The following PAX3 variants were observed in gnomAD, a reference collection of about 807,000 sequenced individuals.
PAX3 encodes paired box 3.
In PAX3, 14 loss-of-function variants were observed where a neutral mutation model predicts 51.6. That is an observed-to-expected ratio of 0.27 (90% CI 0.18 to 0.42). The LOEUF (loss-of-function observed/expected upper bound fraction) is 0.42. PAX3 is among the 10% of genes least tolerant of loss of function. The probability of loss-of-function intolerance (pLI) is 1.00; values close to 1 mark genes in which losing one functional copy is unlikely to be tolerated. For synonymous variants in PAX3, 280 were observed against 253.4 expected (o/e 1.11, Z -1.00); for missense variants, 540 against 642.8 (o/e 0.84, Z 1.73).
chr2:222,251,854 C>T (rs1693447283), intron 4 of PAX3, among the ~76,000 whole-genome samples: 1 of 152,086 alleles, frequency 6.6e-6, no homozygotes, highest in Non-Finnish European at 1.5e-5. Context: ...ATTTTTCTTA[C>T]CCATCACAAT....
intron 4 of PAX3, among the ~76,000 whole-genome samples, chr2:222,257,351 CAATT>C (rs1446409341): frequency 6.6e-6 from 1 of 151,976 alleles, no homozygotes; most frequent in Non-Finnish European, 1.5e-5. Flanking sequence ...TATGAAGGGC[CAATT>C]AATAATGTAC....
At chr2:222,270,492 G>T (rs1694212672) in intron 4 of PAX3, among the ~76,000 whole-genome samples, 1 of 152,182 alleles carries the variant, frequency 6.6e-6, no homozygotes, top group Admixed American at 6.5e-5. Flanking sequence ...TTAAAAGAAA[G>T]AGAAAAAGAG....
chr2:222,270,977 G>T (rs1305864525), intron 4 of PAX3, among the ~76,000 whole-genome samples: 1 of 152,182 alleles, frequency 6.6e-6, no homozygotes, highest in East Asian at 1.9e-4. Context: ...AAATCAATCA[G>T]CTACCAAACC....
intron 4 of PAX3, among the ~76,000 whole-genome samples, chr2:222,284,351 G>GA (rs1274303302): frequency 3.3e-5 from 5 of 152,122 alleles, no homozygotes; most frequent in Non-Finnish European, 7.4e-5. Flanking sequence ...CTGATCTGCT[G>GA]AAAAAACTTG....
Position 222,290,723 on chromosome 2 carries a change from A to G in PAX3, c.586+3444T>C, listed in dbSNP as rs141046306. On this transcript the variant is annotated intron_variant, in intron 4 of 8. Coordinates refer to ENST00000392070, the MANE Select transcript of PAX3 (RefSeq NM_181458.4). Reference sequence around the variant, plus strand: ...TCTAATTCCATTACTGCACAAAGCAAAAATGTTTCCCAAAACTCACAAACA... The same window carrying G: ...TCTAATTCCATTACTGCACAAAGCAGAAATGTTTCCCAAAACTCACAAACA... Among the ~76,000 whole-genome samples the G allele has an allele frequency of 1.8e-4, 28 of 152,312 alleles. No homozygotes were observed. The South Asian group carries it at 4.6e-3, about 25-fold the overall frequency.
chr2:222,282,922 T>C (rs1027831052), intron 4 of PAX3, among the ~76,000 whole-genome samples: 82 of 152,312 alleles, frequency 5.4e-4, no homozygotes, highest in African/African-American at 1.9e-3. Flanking sequence ...TACTCAGATA[T>C]AGGGATAGGA....
At chr2:222,211,663 C>G (rs1236621496) in intron 7 of PAX3, among the ~76,000 whole-genome samples, 1 of 152,134 alleles carries the variant, frequency 6.6e-6, no homozygotes, top group Non-Finnish European at 1.5e-5. Flanking sequence ...TAGGTCTCCA[C>G]GTGGGTTTTC....
At chr2:222,292,251 GC>G (rs749623639) in intron 4 of PAX3, among the ~76,000 whole-genome samples, 21 of 152,104 alleles carry the variant, frequency 1.4e-4, no homozygotes, top group Admixed American at 7.2e-4. Context: ...TCTATTCTCA[GC>G]CTTTTGTGGT....
chr2:222,220,099 T>C lies in PAX3; in HGVS notation c.1173+41A>G, dbSNP rs1302747632. ...CCTCAGGGAATTGAATATTTGGTTC[T>C]GGTATACAGCAAATCGTCTGTCTAG... On this transcript the variant is annotated intron_variant, in intron 7 of 8. Transcript: ENST00000392070. The C allele has an allele frequency of 2.6e-6, 4 of 1,538,904 alleles. No individual in the cohort carries two copies. The East Asian group carries it at 6.8e-5, about 26-fold the overall frequency.
chr2:222,208,873 A>G (rs1038346872), intron 7 of PAX3, among the ~76,000 whole-genome samples: 14 of 152,168 alleles, frequency 9.2e-5, no homozygotes, highest in African/African-American at 2.9e-4. Flanking sequence ...ATGGCATTCA[A>G]AATTTTCTCT....
intron 4 of PAX3, chr2:222,264,871 T>C (rs2106149931): frequency 6.6e-6 from 1 of 152,376 alleles, no homozygotes; most frequent in South Asian, 2.1e-4. Flanking sequence ...ATGCACCATG[T>C]GACCATTCCA....
chr2:222,260,686 G>A (rs1693830962), intron 4 of PAX3, among the ~76,000 whole-genome samples: 1 of 140,190 alleles, frequency 7.1e-6, no homozygotes, highest in African/African-American at 2.7e-5. Context: ...CCACTCCCCA[G>A]GTTCAAGCAA....
chr2:222,243,138 C>G (rs760313321), intron 4 of PAX3, among the ~76,000 whole-genome samples: 2 of 152,040 alleles, frequency 1.3e-5, no homozygotes, highest in Non-Finnish European at 2.9e-5. Context: ...ATTAGCATGA[C>G]ACGAGATGTT....
intron 4 of PAX3, among the ~76,000 whole-genome samples, chr2:222,235,661 C>T (rs1023717927): frequency 6.6e-6 from 1 of 152,046 alleles, no homozygotes; most frequent in African/African-American, 2.4e-5. Flanking sequence ...TGCAGGTATC[C>T]TAAGGTGAGT....
chr2:222,288,718 A>G (rs1384097821), intron 4 of PAX3, among the ~76,000 whole-genome samples: 1 of 152,224 alleles, frequency 6.6e-6, no homozygotes, highest in African/African-American at 2.4e-5. Context: ...TCTAAGTAAG[A>G]AATCACGATA....
chr2:222,252,727 G>T (rs1410319369), intron 4 of PAX3, among the ~76,000 whole-genome samples: 3 of 152,002 alleles, frequency 2.0e-5, no homozygotes, highest in Non-Finnish European at 4.4e-5. Context: ...TCCCATGAGG[G>T]CCCAGGTCTC....
rs754445060 is a variant in PAX3 at position 222,296,972 on chromosome 2, G to T, written c.321+6C>A. The T allele has an allele frequency of 1.7e-5, 27 of 1,609,020 alleles. No homozygotes were observed. Among genetic ancestry groups the T allele is most frequent in the South Asian group, 7.7e-5 (7 of 90,420 alleles). On this transcript the variant is annotated splice_donor_region_variant and intron_variant, in intron 2 of 8. Transcript: ENST00000392070. The stretch of plus-strand genomic sequence containing the variant: ...GGAGCCAGGAGGGCAAGGCCCGCCC[G>T]CTCACCTTGGGCTTGCTGCCGCCGA...
intron 4 of PAX3, among the ~76,000 whole-genome samples, chr2:222,241,277 G>A (rs1693006367): frequency 6.6e-6 from 1 of 152,168 alleles, no homozygotes; most frequent in Non-Finnish European, 1.5e-5. Flanking sequence ...TTGACCATAT[G>A]TGCCACAATT....
chr2:222,222,403 G>A (rs1017893795), intron 5 of PAX3, among the ~76,000 whole-genome samples: 16 of 150,896 alleles, frequency 1.1e-4, no homozygotes, highest in Middle Eastern at 6.9e-3. Flanking sequence ...AAAGTTCATT[G>A]AAACTTTTTT....
Sources: allele counts gnomAD v4.1 joint callset (sites outside exome capture counted in the v4.1 genomes callset), GRCh38; gene constraint gnomAD v4.1.1; transcripts MANE v1.5; gene names NCBI Gene and HGNC (gene_info 2026-07-23, HGNC 2026-07-21).